Variants in SCML4 observed in about 807,000 individuals in gnomAD.
The protein encoded by SCML4 is sex comb on midleg-like protein 4.
In SCML4, 34 loss-of-function variants were observed where a neutral mutation model predicts 41.1. The ratio of observed to expected loss-of-function variants is 0.83; its 90% CI spans 0.63 to 1.10. SCML4 has a LOEUF of 1.10. SCML4 is among the 50% of genes least tolerant of loss of function. The pLI is 0.00. For missense variants in SCML4, 522 were observed against 534.1 expected, an observed-to-expected ratio of 0.98 and a Z score of 0.22; for synonymous variants, 214 against 220.9, an observed-to-expected ratio of 0.97 and a Z score of 0.28.
At chr6:107,788,760 G>T (rs945499363) in intron 1 of SCML4, among the ~76,000 whole-genome samples, 2 of 152,134 alleles carry the variant, frequency 1.3e-5, no homozygotes, top group Admixed American at 1.3e-4. Context: ...CGCCATCATT[G>T]TATGTACAGT....
chr6:107,742,258 A>G (rs954135582), intron 5 of SCML4, among the ~76,000 whole-genome samples: 4 of 152,216 alleles, frequency 2.6e-5, no homozygotes, highest in African/African-American at 7.2e-5. Context: ...AGGAAAAAGG[A>G]TGAGAATTAA....
At chr6:107,805,368 A>G (rs1783646087) in intron 1 of SCML4, among the ~76,000 whole-genome samples, 1 of 152,260 alleles carries the variant, frequency 6.6e-6, no homozygotes, top group Non-Finnish European at 1.5e-5. Context: ...AACAAAGTCT[A>G]AATGAATAAA....
rs1405863467 is a variant in SCML4 at position 107,772,284 on chromosome 6, G to A, written c.44C>T (p.Ser15Leu). 20 of 1,551,754 alleles carry A rather than the reference G, an allele frequency of 1.3e-5. No individual in the cohort carries two copies. ...RIPGRKRGRPSLHSTPMKMAV... is the reference protein window; with the variant it reads ...RIPGRKRGRPLLHSTPMKMAV... ...CATCTTCATAGGCGTGGAGTGAAGT[G>A]AGGGTCGGCCTCGCTTTCTCCCCGG... Residue 15 changes from serine to leucine, a missense_variant, in exon 2 of 8, where the codon TCA becomes TTA. Transcript: ENST00000369020.
At chr6:107,744,883 G>T in intron 5 of SCML4, 66 bp downstream of exon 5, 1 of 1,332,560 alleles carries the variant, frequency 7.5e-7, no homozygotes, top group South Asian at 1.5e-5. Flanking sequence ...CCTCCATAGT[G>T]GAAGGGCAGA....
At chr6:107,793,758 G>A (rs1179719192) in intron 1 of SCML4, among the ~76,000 whole-genome samples, 3 of 152,032 alleles carry the variant, frequency 2.0e-5, no homozygotes, top group Admixed American at 2.0e-4. Flanking sequence ...ACCAGCCTGG[G>A]CAACATGGTG....
intron 1 of SCML4, among the ~76,000 whole-genome samples, chr6:107,823,397 G>C (rs1289231796): frequency 6.6e-6 from 1 of 152,162 alleles, no homozygotes; most frequent in Admixed American, 6.5e-5. Flanking sequence ...TCATGCTTTG[G>C]GAGGAGCACG....
intron 2 of SCML4, among the ~76,000 whole-genome samples, chr6:107,751,643 T>TTTCC (rs1174074248): frequency 2.5e-4 from 36 of 144,374 alleles, no homozygotes; most frequent in African/African-American, 8.8e-4. Flanking sequence ...TCTTTCTTTC[T>TTTCC]TTCTTTTTTG....
chr6:107,798,415 T>C (rs1484399901), intron 1 of SCML4, among the ~76,000 whole-genome samples: 1 of 152,034 alleles, frequency 6.6e-6, no homozygotes, highest in Non-Finnish European at 1.5e-5. Flanking sequence ...ACTTCCTTGT[T>C]ATTATGTTAA....
intron 2 of SCML4, among the ~76,000 whole-genome samples, chr6:107,761,319 G>T (rs1779569999): frequency 6.6e-6 from 1 of 151,852 alleles, no homozygotes; most frequent in Non-Finnish European, 1.5e-5. Flanking sequence ...AAACGCCAAA[G>T]ACATAGAGAA....
chr6:107,815,486 C>T (rs1784497193), intron 1 of SCML4, among the ~76,000 whole-genome samples: 1 of 152,206 alleles, frequency 6.6e-6, no homozygotes, highest in Admixed American at 6.5e-5. Flanking sequence ...CAAAGGAAGA[C>T]TGTTTATTTT....
In SCML4 at chr6:107,755,539, T is replaced by G. The variant is rs1257043614; in HGVS notation, c.157-5726A>C. On this transcript the variant is annotated intron_variant, in intron 2 of 7. Coordinates refer to ENST00000369020, the MANE Select transcript of SCML4 (RefSeq NM_198081.5). ...CCACTGGCTAGAAGCTTTGCTCTAGTGTGATGCAGGGCCCAGTCCATCAGC... is the reference window on the plus strand; with the variant it reads ...CCACTGGCTAGAAGCTTTGCTCTAGGGTGATGCAGGGCCCAGTCCATCAGC... 5.2e-6 allele frequency: 6 copies of G among 1,146,582 alleles called. No homozygotes were observed. The South Asian group carries it at 8.7e-5, about 17-fold the overall frequency. The allele number at this position is 1,146,582 out of a possible 1,614,324, so 71.0% of individuals were successfully genotyped here.
At chr6:107,802,007 A>G (rs1363215355) in intron 1 of SCML4, among the ~76,000 whole-genome samples, 6 of 151,630 alleles carry the variant, frequency 4.0e-5, no homozygotes, top group Non-Finnish European at 8.8e-5. Flanking sequence ...TCCTAGCCTC[A>G]TGATCTGCCC....
In SCML4 at chr6:107,703,276, C is replaced by T. The variant is rs1773321838; in HGVS notation, c.*1924G>A. On this transcript the variant is annotated 3_prime_UTR_variant, in exon 8 of 8. Coordinates refer to ENST00000369020, the MANE Select transcript of SCML4 (RefSeq NM_198081.5). Reference sequence around the variant, plus strand: ...TGGACTCACCCTGAATTCTTTCTTGCATGAGATCCAAGAGCCCTCTCTTGG... The same window carrying T: ...TGGACTCACCCTGAATTCTTTCTTGTATGAGATCCAAGAGCCCTCTCTTGG... 6.6e-6 allele frequency among the ~76,000 whole-genome samples: 1 copy of T among 152,138 alleles called. No homozygotes were observed. Among genetic ancestry groups the T allele is most frequent in the East Asian group, 1.9e-4 (1 of 5,194 alleles).
rs930434774 is a variant in SCML4, at chr6:107,705,338, G to A, written c.1120-13C>T. Reference sequence around the variant, plus strand: ...TGCCATCAATCTCCTGGTGGGATAGGATCAGAAGAAAGATAAACCCAGAAG... The same window carrying A: ...TGCCATCAATCTCCTGGTGGGATAGAATCAGAAGAAAGATAAACCCAGAAG... On this transcript the variant is annotated splice_polypyrimidine_tract_variant and intron_variant, in intron 7 of 7. Coordinates refer to ENST00000369020, the MANE Select transcript of SCML4 (RefSeq NM_198081.5). The A allele has an allele frequency of 1.3e-6, 2 of 1,551,028 alleles. No individual in the cohort carries two copies. Among genetic ancestry groups the A allele is most frequent in the Non-Finnish European group, 1.7e-6 (2 of 1,146,646 alleles).
chr6:107,815,313 T>C (rs1784483999), intron 1 of SCML4, among the ~76,000 whole-genome samples: 1 of 152,240 alleles, frequency 6.6e-6, no homozygotes. Flanking sequence ...CCTCAGTGGA[T>C]GGAGCAGTCC....
rs774861358 is a variant in SCML4 at position 107,744,955 on chromosome 6, C to T, written c.676G>A (p.Glu226Lys). Residue 226 changes from glutamate (E) to lysine (K), a missense_variant, in exon 5 of 8, where the codon GAA becomes AAA. By Grantham distance (56) the Glu-to-Lys change is moderately conservative (BLOSUM62 1). Coordinates refer to ENST00000369020, the MANE Select transcript of SCML4 (RefSeq NM_198081.5). Reference sequence around the variant, plus strand: ...GAAGCAGGACAAGGCCTACCTGATTCCATCCTCCCTTCCTCTTTCTCCTGG... The same window carrying T: ...GAAGCAGGACAAGGCCTACCTGATTTCATCCTCCCTTCCTCTTTCTCCTGG... Reference protein sequence around the residue: ...KVQEKEEGRMESVKTVTTEEY... With the variant: ...KVQEKEEGRMKSVKTVTTEEY... 9 of 1,607,940 alleles carry T rather than the reference C, an allele frequency of 5.6e-6. No individual in the cohort carries two copies. The highest frequency in any genetic ancestry group is 7.6e-6 in the Non-Finnish European group (9 of 1,176,972).
At chr6:107,765,615 T>G (rs1352010617) in intron 2 of SCML4, among the ~76,000 whole-genome samples, 1 of 149,608 alleles carries the variant, frequency 6.7e-6, no homozygotes, top group Non-Finnish European at 1.5e-5. Context: ...TCACAAGTCG[T>G]TTTTTACTTA....
chr6:107,758,546 A>G (rs1260740675), intron 2 of SCML4, among the ~76,000 whole-genome samples: 1 of 152,218 alleles, frequency 6.6e-6, no homozygotes, highest in Non-Finnish European at 1.5e-5. Flanking sequence ...AGAGGTAATT[A>G]AGTTAAAATG....
intron 2 of SCML4, among the ~76,000 whole-genome samples, chr6:107,764,886 T>C (rs1274665075): frequency 6.6e-6 from 1 of 152,174 alleles, no homozygotes; most frequent in Non-Finnish European, 1.5e-5. Flanking sequence ...TTCGCTTGAC[T>C]CTCGTTCTCT....
Sources: allele counts gnomAD v4.1 joint callset (sites outside exome capture counted in the v4.1 genomes callset), GRCh38; gene constraint gnomAD v4.1.1; transcripts MANE v1.5; gene names NCBI Gene and HGNC (gene_info 2026-07-23, HGNC 2026-07-21).